Variants in SLC7A10 observed in about 807,000 individuals in gnomAD.
The protein encoded by SLC7A10 is asc-type amino acid transporter 1.
In SLC7A10, 30 loss-of-function variants were observed where a neutral mutation model predicts 52.7. The observed-to-expected ratio is 0.57, with a 90% CI of 0.43 to 0.77. The LOEUF (loss-of-function observed/expected upper bound fraction) is 0.77. Among genes scored for constraint, SLC7A10 ranks in the 30% least tolerant of loss-of-function variants. The probability of loss-of-function intolerance (pLI) is 0.00; values close to 1 mark genes in which losing one functional copy is unlikely to be tolerated. For synonymous variants in SLC7A10, 318 were observed against 314.9 expected (o/e 1.01, Z -0.10); for missense variants, 581 against 698.5 (o/e 0.83, Z 1.90).
chr19:33,217,014 C>A (rs533705002), intron 1 of SLC7A10, among the ~76,000 whole-genome samples: 2 of 152,014 alleles, frequency 1.3e-5, no homozygotes, highest in Admixed American at 6.5e-5. Flanking sequence ...AGCTGGGACT[C>A]CAGGTGTATT....
chr19:33,213,054 C>T, intron 2 of SLC7A10, 52 bp from the exon 3 acceptor site: 1 of 1,552,464 alleles, frequency 6.4e-7, no homozygotes, highest in Non-Finnish European at 8.7e-7. Context: ...CCCTTCCCGG[C>T]CAACCTGGCC....
At chr19:33,216,340 C>G (rs1974683179) in intron 1 of SLC7A10, among the ~76,000 whole-genome samples, 1 of 152,182 alleles carries the variant, frequency 6.6e-6, no homozygotes, top group South Asian at 2.1e-4. Context: ...GGTGGCTCCT[C>G]AGGCACCCCA....
chr19:33,213,586 T>C (rs73575735), intron 2 of SLC7A10, among the ~76,000 whole-genome samples: 26,160 of 152,164 alleles, frequency 0.17, 4,134 homozygotes, highest in African/African-American at 0.42. Flanking sequence ...CTGCGCCCAG[T>C]CACCAAATGC....
intron 1 of SLC7A10, among the ~76,000 whole-genome samples, chr19:33,222,464 T>TAAAATA (rs1555734454): frequency 1.5e-4 from 16 of 106,496 alleles, no homozygotes; most frequent in African/African-American, 5.3e-4. Context: ...TAAAATAAAA[T>TAAAATA]AAATAAAATA....
intron 5 of SLC7A10, chr19:33,211,908 G>C: frequency 2.1e-6 from 1 of 470,264 alleles, no homozygotes; most frequent in Non-Finnish European, 3.9e-6. Flanking sequence ...GTCCCAGCTC[G>C]CTCAGCTGCA....
chr19:33,223,943 TCACCACCACCACCACCACCAC>T (rs80120440), intron 1 of SLC7A10, among the ~76,000 whole-genome samples: 2 of 147,102 alleles, frequency 1.4e-5, no homozygotes, highest in African/African-American at 5.1e-5. Flanking sequence ...ACCTCTACCA[TCACCACCACCACCACCACCAC>T]CACCACCACC....
chr19:33,212,127 G>T, intron 5 of SLC7A10, 165 bp downstream of exon 5: 1 of 963,188 alleles, frequency 1.0e-6, no homozygotes, highest in Non-Finnish European at 1.6e-6. Flanking sequence ...AGGCTAGAAT[G>T]CAAGCCCCCC....
Position 33,210,385 on chromosome 19 carries a change from C to T in SLC7A10, c.1263+82G>A. 6.6e-7 allele frequency: 1 copy of T among 1,512,544 alleles called. No homozygotes were observed. 93.7% of individuals were successfully genotyped at this position (1,512,544 alleles called of 1,614,324 possible). A position where few individuals can be genotyped will look rare whatever the true frequency, so the allele number is the denominator to read the frequency against. ...TCCACAAAAGCTGGCACCTCCCATC[C>T]CACCTGCCCCTGGTGCCCACTGTGG... On this transcript the variant is annotated intron_variant, in intron 9 of 10. Transcript: ENST00000253188. The surrounding 1 kb of genome is among the most constrained non-coding windows in gnomAD (Gnocchi z 5.6).
chr19:33,215,037 G>A (rs1034458852), intron 2 of SLC7A10, among the ~76,000 whole-genome samples: 13 of 151,856 alleles, frequency 8.6e-5, no homozygotes, highest in African/African-American at 2.9e-4. Flanking sequence ...AGGCTGAGGC[G>A]GGTGGATCAC....
chr19:33,216,071 C>T (rs528460946), intron 1 of SLC7A10, 98 bp from the exon 2 acceptor site: 89 of 1,150,380 alleles, frequency 7.7e-5, no homozygotes, highest in African/African-American at 2.0e-4. Context: ...GAAGACAGCC[C>T]GGGGTGCTTC....
chr19:33,214,786 A>G (rs1457293546), intron 2 of SLC7A10, among the ~76,000 whole-genome samples: 1 of 152,156 alleles, frequency 6.6e-6, no homozygotes, highest in Non-Finnish European at 1.5e-5. Flanking sequence ...TGCCTCTTGT[A>G]CACACTCTCA....
rs986780886 is a variant in SLC7A10 at position 33,211,380 on chromosome 19, G to A, written c.912+34C>T. On this transcript the variant is annotated intron_variant, in intron 6 of 10. Coordinates refer to ENST00000253188, the MANE Select transcript of SLC7A10 (RefSeq NM_019849.3). ...GTGTAAGGCCGGGGCAGGGGCCTGG[G>A]CAGGAGCCAGGGACCGAGCAGGGGC... 3 of 1,613,540 alleles carry A rather than the reference G, an allele frequency of 1.9e-6. No homozygotes were observed. The African/African-American group carries it at 4.0e-5, about 22-fold the overall frequency.
chr19:33,222,435 TA>T (rs1568396355), intron 1 of SLC7A10, among the ~76,000 whole-genome samples: 6 of 126,544 alleles, frequency 4.7e-5, no homozygotes, highest in East Asian at 4.6e-4. Context: ...TAAAATAAAA[TA>T]AAATAAAATA....
At chr19:33,214,189 G>A (rs1367675981) in intron 2 of SLC7A10, among the ~76,000 whole-genome samples, 3 of 152,140 alleles carry the variant, frequency 2.0e-5, no homozygotes, top group East Asian at 3.8e-4. Flanking sequence ...CCCCTTTGAG[G>A]ACCCTCTCCC....
intron 2 of SLC7A10, among the ~76,000 whole-genome samples, chr19:33,215,521 C>T (rs2145481098): frequency 6.8e-6 from 1 of 147,746 alleles, no homozygotes; most frequent in Non-Finnish European, 1.5e-5. Context: ...GTGCCCAGCA[C>T]ACATCAGTGG....
intron 1 of SLC7A10, among the ~76,000 whole-genome samples, chr19:33,221,907 C>A (rs1974818380): frequency 2.0e-5 from 3 of 152,126 alleles, no homozygotes; most frequent in African/African-American, 7.2e-5. Flanking sequence ...GGCCGAGGTT[C>A]CTGGGTCAGT....
chr19:33,219,402 C>T (rs931536131), intron 1 of SLC7A10, among the ~76,000 whole-genome samples: 6 of 152,348 alleles, frequency 3.9e-5, no homozygotes, highest in Non-Finnish European at 4.4e-5. Context: ...GTCACAGGGG[C>T]GGCCCACGGA....
chr19:33,213,213 C>T (rs751305149), intron 2 of SLC7A10, among the ~76,000 whole-genome samples: 20 of 152,114 alleles, frequency 1.3e-4, no homozygotes, highest in South Asian at 2.1e-4. Context: ...AGGTGTTACC[C>T]GTACTTAAAC....
chr19:33,225,684 T>G lies in SLC7A10; in HGVS notation c.20A>C (p.Gln7Pro). 6.5e-7 allele frequency: 1 copy of G among 1,546,314 alleles called. No individual in the cohort carries two copies. Among genetic ancestry groups the G allele is most frequent in the South Asian group, 1.2e-5 (1 of 85,298 alleles). ...CCTGGGGTTCCCGCGCCCGCTCGGC[T>G]GCTGCGTGTGGCCGGCCATGTCGCT... MAGHTQ[Q>P]PSGRGNPRPA... Residue 7 changes from glutamine to proline, a missense_variant, in exon 1 of 11, where the codon CAG (glutamine) becomes CCG (proline). Transcript: ENST00000253188.
Sources: allele counts gnomAD v4.1 joint callset (sites outside exome capture counted in the v4.1 genomes callset), GRCh38; gene constraint gnomAD v4.1.1; non-coding constraint Gnocchi (gnomAD v3.1); transcripts MANE v1.5; gene names NCBI Gene and HGNC (gene_info 2026-07-23, HGNC 2026-07-21).